PADI4: variants seen among roughly 807,000 people sequenced by gnomAD.
The protein encoded by PADI4 is protein-arginine deiminase type-4.
Under a neutral mutation model 75.0 loss-of-function variants are expected in PADI4, and 62 were observed. That is an observed-to-expected ratio of 0.83 (90% CI 0.67 to 1.02). The LOEUF (loss-of-function observed/expected upper bound fraction) is 1.02. Ranked by LOEUF, PADI4 falls within the 50% of genes least tolerant of loss-of-function variation. The pLI is 0.00. For synonymous variants in PADI4, 361 were observed against 348.1 expected (o/e 1.04, Z -0.41); for missense variants, 845 against 850.5 (o/e 0.99, Z 0.08).
chr1:17,331,083 C>T lies in PADI4; in HGVS notation c.207C>T (p.Pro69=). The change falls in exon 2 of 16, where the codon CCC becomes CCT. Residue 69 remains proline (P), a synonymous_variant. Transcript: ENST00000375448. ...KKKSTGSSTW[P]LDPGVEVTLT... Reference sequence around the variant, plus strand: ...AATCCACAGGTTCCTCCACATGGCCCCTGGACCCTGGGGTAGAGGTGACCC... The same window carrying T: ...AATCCACAGGTTCCTCCACATGGCCTCTGGACCCTGGGGTAGAGGTGACCC... 2.5e-6 allele frequency: 4 copies of T among 1,612,564 alleles called. No homozygotes were observed. The highest frequency in any genetic ancestry group is 2.2e-5 in the East Asian group (1 of 44,756).
rs1256458690 is a variant in PADI4 at position 17,346,811 on chromosome 1, T to A, written c.1047+672T>A. On this transcript the variant is annotated intron_variant, in intron 9 of 15. Transcript: ENST00000375448. This position sits in a 1 kb window ranked among gnomAD's most constrained non-coding sequence, Gnocchi z 4.3. ...CCCATCTCCCCATTCCCATCCCCCA[T>A]CTCCAATCCATACCGGTGAATCCCA... Among the ~76,000 whole-genome samples the A allele has an allele frequency of 6.6e-6, 1 of 151,218 alleles. No individual in the cohort carries two copies. Among genetic ancestry groups the A allele is most frequent in the Non-Finnish European group, 1.5e-5 (1 of 67,866 alleles).
intron 1 of PADI4, among the ~76,000 whole-genome samples, chr1:17,323,554 GC>G (rs2074067033): frequency 6.6e-6 from 1 of 152,188 alleles, no homozygotes; most frequent in South Asian, 2.1e-4. Flanking sequence ...GTAATCCTAA[GC>G]CAGGTACTGT....
intron 15 of PADI4, among the ~76,000 whole-genome samples, chr1:17,359,947 GGGTGCCA>G (rs2074825735): frequency 6.6e-6 from 1 of 152,148 alleles, no homozygotes; most frequent in African/African-American, 2.4e-5. Flanking sequence ...CTTCAACAGC[GGGTGCCA>G]GGTGCTAATC....
At chr1:17,352,038 G>GGA (rs2074654498) in intron 10 of PADI4, among the ~76,000 whole-genome samples, 1 of 54,704 alleles carries the variant, frequency 1.8e-5, no homozygotes, top group Non-Finnish European at 3.7e-5. Context: ...GGTGATGGGA[G>GGA]GAGAGGCAGT....
chr1:17,339,792 G>A lies in PADI4; in HGVS notation c.631G>A (p.Val211Met). The change falls in exon 6 of 16, where the codon GTG (valine) becomes ATG (methionine). Residue 211 changes from valine (V) to methionine (M), a missense_variant. Transcript: ENST00000375448. ...CGTGGCCAGGTCTGAGATGGACAAA[G>A]TGAGGGTGTTTCAGGCCACACGTAA... Reference protein sequence around the residue: ...LHVARSEMDKVRVFQATRGKL... With the variant: ...LHVARSEMDKMRVFQATRGKL... 6.2e-7 allele frequency: 1 copy of A among 1,610,822 alleles called. No homozygotes were observed. Among genetic ancestry groups the A allele is most frequent in the South Asian group, 1.1e-5 (1 of 90,556 alleles).
chr1:17,350,973 A>G (rs71512935), intron 10 of PADI4, among the ~76,000 whole-genome samples: 3,939 of 123,548 alleles, frequency 0.032, 821 homozygotes, highest in Non-Finnish European at 0.038. Context: ...AATTGTTTGA[A>G]CCCAGGAGTT....
At chr1:17,360,018 G>A (rs749608670) in intron 15 of PADI4, among the ~76,000 whole-genome samples, 9 of 152,074 alleles carry the variant, frequency 5.9e-5, no homozygotes, top group Non-Finnish European at 1.0e-4. Context: ...GGCCGGGTGC[G>A]GTGGCTCACG....
At chr1:17,331,298 C>T in intron 2 of PADI4, 149 bp downstream of exon 2, 1 of 648,670 alleles carries the variant, frequency 1.5e-6, no homozygotes, top group Admixed American at 3.4e-5. Context: ...GCCATAGTGT[C>T]CTTGGGGACA....
At position 17,339,668 on chromosome 1, in the gene PADI4, C is replaced by T; in HGVS notation, c.527-20C>T. ...CGGTCTCAGGGCCCTGTGACTCAGG[C>T]AATGCCCTTCTCATCCCAGACCTGC... is the stretch of plus-strand genomic sequence containing the variant. On this transcript the variant is annotated intron_variant, in intron 5 of 15. Transcript: ENST00000375448. The T allele has an allele frequency of 6.2e-7, 1 of 1,613,414 alleles. No homozygotes were observed. The highest frequency in any genetic ancestry group is 8.5e-7 in the Non-Finnish European group (1 of 1,179,712).
At chr1:17,324,620 C>T (rs565079593) in intron 1 of PADI4, among the ~76,000 whole-genome samples, 163 of 152,322 alleles carry the variant, frequency 1.1e-3, no homozygotes, top group Non-Finnish European at 1.7e-3. Flanking sequence ...GTGTGAGCCA[C>T]TGCACCTGGC....
intron 1 of PADI4, among the ~76,000 whole-genome samples, chr1:17,329,410 C>CCAGTAA (rs1462660360): frequency 2.0e-5 from 3 of 151,910 alleles, no homozygotes; most frequent in African/African-American, 7.3e-5. Context: ...GGGAGGCTTA[C>CCAGTAA]CAGTAACATA....
Position 17,339,737 on chromosome 1 carries a change from C to A in PADI4, c.576C>A (p.Asp192Glu). ...CCCTGAGCACGAAGACCCCCAAGGACTTCTTCACAAACCATACACTGGTGC... is the reference window on the plus strand; with the variant it reads ...CCCTGAGCACGAAGACCCCCAAGGAATTCTTCACAAACCATACACTGGTGC... ...LMTLSTKTPK[D>E]FFTNHTLVLH... The change falls in exon 6 of 16, where the codon GAC (aspartate) becomes GAA (glutamate). Residue 192 changes from aspartate to glutamate, a missense_variant. Physicochemically the swap from Asp to Glu is conservative, Grantham distance 45. Transcript: ENST00000375448. 6.2e-7 allele frequency: 1 copy of A among 1,614,026 alleles called. No individual in the cohort carries two copies. The highest frequency in any genetic ancestry group is 8.5e-7 in the Non-Finnish European group (1 of 1,179,968).
chr1:17,330,911 T>G, intron 1 of PADI4, 58 bp from the exon 2 acceptor site: 5 of 1,158,988 alleles, frequency 4.3e-6, no homozygotes, highest in Non-Finnish European at 6.0e-6. Flanking sequence ...GGGAGAGCCA[T>G]GGCTGGCCCA....
At chr1:17,321,183 A>G (rs1569995958) in intron 1 of PADI4, among the ~76,000 whole-genome samples, 1 of 152,108 alleles carries the variant, frequency 6.6e-6, no homozygotes, top group East Asian at 1.9e-4. Flanking sequence ...GCTGGATTGG[A>G]TTCTGCAAGA....
rs2074383325 is a variant in PADI4, at chr1:17,339,826, C to T, written c.652+13C>T. The T allele has an allele frequency of 6.3e-6, 10 of 1,590,738 alleles. No homozygotes were observed. Among genetic ancestry groups the T allele is most frequent in the South Asian group, 1.1e-5 (1 of 88,388 alleles). On this transcript the variant is annotated intron_variant, in intron 6 of 15. Transcript: ENST00000375448. Reference sequence around the variant, plus strand: ...TTTCAGGCCACACGTAAGTCATCCCCATCTTTGTTCCCCTCCTGCCCTGGC... The same window carrying T: ...TTTCAGGCCACACGTAAGTCATCCCTATCTTTGTTCCCCTCCTGCCCTGGC...
chr1:17,332,622 G>A (rs535024728), intron 2 of PADI4, among the ~76,000 whole-genome samples: 25 of 152,238 alleles, frequency 1.6e-4, no homozygotes, highest in African/African-American at 5.8e-4. Context: ...CCAGGGATTA[G>A]GATATGGATG....
rs2074201780 is a variant in PADI4, at chr1:17,331,040, G to A, written c.164G>A (p.Gly55Asp). ...GGGGTGGTCGTGGATATTGCCCACG[G>A]CCCTCCAGCCAAGAAGAAATCCACA... ...SPGVVVDIAH[G>D]PPAKKKSTGS... Residue 55 changes from glycine (G) to aspartate (D), a missense_variant, in exon 2 of 16, where the codon GGC (glycine) becomes GAC (aspartate). Physicochemically the swap from Gly to Asp is moderately conservative, Grantham distance 94. Coordinates refer to ENST00000375448, the MANE Select transcript of PADI4 (RefSeq NM_012387.3). 6 of 1,609,492 alleles carry A rather than the reference G, an allele frequency of 3.7e-6. No individual in the cohort carries two copies. Among genetic ancestry groups the A allele is most frequent in the African/African-American group, 1.3e-5 (1 of 74,814 alleles).
At chr1:17,343,048 G>C (rs975847576) in intron 8 of PADI4, among the ~76,000 whole-genome samples, 1 of 151,920 alleles carries the variant, frequency 6.6e-6, no homozygotes, top group Non-Finnish European at 1.5e-5. Context: ...TTAGCCAGGT[G>C]TTGTGGCATG....
chr1:17,340,859 G>T (rs1195925587), intron 6 of PADI4, among the ~76,000 whole-genome samples: 3 of 147,804 alleles, frequency 2.0e-5, no homozygotes, highest in Admixed American at 6.8e-5. Context: ...GGAGTGCAGT[G>T]GTGCCATCTT....
Sources: gnomAD v4.1 joint callset for allele counts (sites outside exome capture counted in the v4.1 genomes callset) on GRCh38, gnomAD v4.1.1 for gene constraint, Gnocchi (gnomAD v3.1) non-coding constraint, MANE v1.5 for transcripts, NCBI Gene and HGNC (gene_info 2026-07-23, HGNC 2026-07-21) for gene names.